NIPSNAP1: variants seen among roughly 807,000 people sequenced by gnomAD.
NIPSNAP1 encodes nipsnap homolog 1.
Under a neutral mutation model 49.2 loss-of-function variants are expected in NIPSNAP1, and 25 were observed. That is an observed-to-expected ratio of 0.51 (90% CI 0.37 to 0.71). NIPSNAP1 has a LOEUF of 0.71. NIPSNAP1 is among the 30% of genes least tolerant of loss of function. NIPSNAP1 has a pLI of 0.00. For missense variants in NIPSNAP1, 294 were observed against 361.0 expected, an observed-to-expected ratio of 0.81 and a Z score of 1.50; for synonymous variants, 143 against 140.7, an observed-to-expected ratio of 1.02 and a Z score of -0.12.
chr22:29,562,008 G>C, intron 4 of NIPSNAP1, 146 bp from the exon 5 acceptor site: 1 of 690,738 alleles, frequency 1.4e-6, no homozygotes. Context: ...CCTCTGCCTT[G>C]GTGGAAGACC....
At chr22:29,556,709 C>T (rs1476326405) in intron 9 of NIPSNAP1, among the ~76,000 whole-genome samples, 1 of 152,094 alleles carries the variant, frequency 6.6e-6, no homozygotes, top group African/African-American at 2.4e-5. Flanking sequence ...TGTGCAGATT[C>T]TGATTTGGTA....
intron 1 of NIPSNAP1, among the ~76,000 whole-genome samples, chr22:29,574,473 T>C (rs569019648): frequency 8.6e-5 from 13 of 151,854 alleles, no homozygotes. Context: ...ATGCATCTGC[T>C]TCATTAGCAA....
At chr22:29,565,316 A>G (rs918540679) in intron 4 of NIPSNAP1, among the ~76,000 whole-genome samples, 1 of 152,006 alleles carries the variant, frequency 6.6e-6, no homozygotes, top group Non-Finnish European at 1.5e-5. Context: ...GTTCGAGACC[A>G]GCCTGGCCAA....
At chr22:29,577,250 G>A (rs1163105472) in intron 1 of NIPSNAP1, among the ~76,000 whole-genome samples, 1 of 150,824 alleles carries the variant, frequency 6.6e-6, no homozygotes, top group Non-Finnish European at 1.5e-5. Context: ...CACCACGTCT[G>A]GCTAATTTTT....
At chr22:29,573,262 C>T (rs1013392118) in intron 1 of NIPSNAP1, among the ~76,000 whole-genome samples, 3 of 152,068 alleles carry the variant, frequency 2.0e-5, no homozygotes, top group Non-Finnish European at 4.4e-5. Context: ...GTCTCGATCT[C>T]TCGACCTCAT....
At chr22:29,566,318 T>G (rs957661447) in intron 4 of NIPSNAP1, among the ~76,000 whole-genome samples, 3 of 151,992 alleles carry the variant, frequency 2.0e-5, no homozygotes, top group Non-Finnish European at 4.4e-5. Flanking sequence ...GAATTTTTTC[T>G]TTTTTAGAGA....
intron 4 of NIPSNAP1, 113 bp from the exon 5 acceptor site, chr22:29,561,975 T>C: frequency 1.2e-6 from 1 of 853,156 alleles, no homozygotes; most frequent in Non-Finnish European, 1.9e-6. Context: ...TGGTTCCCTG[T>C]AGCAGCAAGA....
intron 4 of NIPSNAP1, among the ~76,000 whole-genome samples, chr22:29,568,375 C>T (rs1385060851): frequency 1.3e-5 from 2 of 150,676 alleles, no homozygotes; most frequent in African/African-American, 2.4e-5. Context: ...CCCAGCTACT[C>T]GGGAAGCTGA....
chr22:29,571,971 G>A (rs138304752), intron 1 of NIPSNAP1, among the ~76,000 whole-genome samples: 2,963 of 151,880 alleles, frequency 0.02, 93 homozygotes, highest in African/African-American at 0.061. Flanking sequence ...ACAAATACTC[G>A]GCTGCCCTAT....
At chr22:29,575,401 G>T (rs2064443854) in intron 1 of NIPSNAP1, among the ~76,000 whole-genome samples, 1 of 152,138 alleles carries the variant, frequency 6.6e-6, no homozygotes, top group Non-Finnish European at 1.5e-5. Context: ...GGGTGGTGGA[G>T]CCCATCCCTA....
intron 1 of NIPSNAP1, among the ~76,000 whole-genome samples, chr22:29,575,677 G>A (rs755433670): frequency 1.2e-4 from 18 of 151,516 alleles, no homozygotes; most frequent in African/African-American, 2.4e-4. Flanking sequence ...GGAGGCTGAC[G>A]CAAGAGGGAA....
intron 9 of NIPSNAP1, among the ~76,000 whole-genome samples, chr22:29,556,870 C>T (rs1028254068): frequency 3.3e-5 from 5 of 152,122 alleles, no homozygotes; most frequent in African/African-American, 4.8e-5. Flanking sequence ...CTGCCTCAGC[C>T]TCCCGAGTAG....
chr22:29,580,208 C>CACCA (rs2064487419), intron 1 of NIPSNAP1: 1 of 1,303,630 alleles, frequency 7.7e-7, no homozygotes, highest in East Asian at 5.5e-5. Flanking sequence ...GACAGACAAG[C>CACCA]ACCAAGTCAT....
chr22:29,561,760 CAG>C (rs1569245672), intron 5 of NIPSNAP1, 30 bp downstream of exon 5: 2 of 1,613,692 alleles, frequency 1.2e-6, no homozygotes, highest in Non-Finnish European at 1.7e-6. Context: ...ATCCCACATC[CAG>C]AGAGGTGTGC....
intron 9 of NIPSNAP1, among the ~76,000 whole-genome samples, chr22:29,557,589 T>A (rs1016856284): frequency 1.6e-4 from 25 of 152,038 alleles, no homozygotes; most frequent in Admixed American, 1.4e-3. Context: ...CACCACGTCC[T>A]GCTAATTTTT....
rs1339899739 is a variant in NIPSNAP1 at position 29,574,274 on chromosome 22, A to AG, written c.99-3743_99-3742insC. Among the ~76,000 whole-genome samples, 432 of 100,772 alleles carry AG rather than the reference A, an allele frequency of 4.3e-3. 17 individuals are homozygous for AG. Among genetic ancestry groups the AG allele is most frequent in the African/African-American group, 9.1e-3 (232 of 25,572 alleles). 66.1% of individuals were successfully genotyped at this position (100,772 alleles called of 152,430 possible). ...ACTCCATCTTCACAAAAAAAAAAAA[A>AG]AAAAAAAAAAAAAAAAAAGAAAGAA... On this transcript the variant is annotated intron_variant, in intron 1 of 9. Transcript: ENST00000216121.
At position 29,574,302 on chromosome 22, in the gene NIPSNAP1, AG is replaced by A. The variant is rs2064435205; in HGVS notation, c.99-3771del. Among the ~76,000 whole-genome samples the A allele has an allele frequency of 4.0e-5, 6 of 150,912 alleles. No individual in the cohort carries two copies. In the East Asian group the frequency reaches 5.8e-4, roughly 15 times the overall value. On this transcript the variant is annotated intron_variant, in intron 1 of 9. Transcript: ENST00000216121. ...AAAAAAAAAAAAAAAAGAAAGAAAA[AG>A]AAAAGAAAATAAATTACTTGTCCCA... is the stretch of plus-strand genomic sequence containing the variant.
At chr22:29,576,386 C>CA (rs67889640) in intron 1 of NIPSNAP1, among the ~76,000 whole-genome samples, 37,508 of 148,732 alleles carry the variant, frequency 0.25, 5,181 homozygotes, top group Non-Finnish European at 0.29. Flanking sequence ...AAATTAAAAA[C>CA]AAAAAAAAAC....
At position 29,555,835 on chromosome 22, in the gene NIPSNAP1, C is replaced by T; in HGVS notation, c.*100G>A. ...ACTGAGCACTGCCCCTCAGAGTCCT[C>T]CCAGAGCCAAGACAAAACCAAGACA... On this transcript the variant is annotated 3_prime_UTR_variant, in exon 10 of 10. Transcript: ENST00000216121. 8.9e-7 allele frequency: 1 copy of T among 1,127,488 alleles called. No homozygotes were observed. The allele number at this position is 1,127,488 out of a possible 1,614,324, so 69.8% of individuals were successfully genotyped here. A position where few individuals can be genotyped will look rare whatever the true frequency, so the allele number is the denominator to read the frequency against.
Sources: gnomAD v4.1 joint callset for allele counts (sites outside exome capture counted in the v4.1 genomes callset) on GRCh38, gnomAD v4.1.1 for gene constraint, MANE v1.5 for transcripts, NCBI Gene and HGNC (gene_info 2026-07-23, HGNC 2026-07-21) for gene names.